Variants in GAP43 observed in about 807,000 individuals in gnomAD.
GAP43 encodes growth associated protein 43.
A neutral mutation model predicts 18.6 loss-of-function variants in GAP43; 6 were observed. The observed-to-expected ratio is 0.32, with a 90% CI of 0.18 to 0.64. The LOEUF (loss-of-function observed/expected upper bound fraction) is 0.64. GAP43 is among the 30% of genes least tolerant of loss of function. The pLI is 0.78. For missense variants in GAP43, 292 were observed against 295.5 expected (o/e 0.99, Z 0.09); for synonymous variants, 115 against 111.4 (o/e 1.03, Z -0.20).
Position 115,676,212 on chromosome 3 carries a change from G to T in GAP43, c.230G>T (p.Gly77Val), listed in dbSNP as rs1268083409. The T allele has an allele frequency of 2.5e-6, 4 of 1,614,064 alleles. No individual in the cohort carries two copies. The Admixed American group carries it at 6.7e-5, about 27-fold the overall frequency. ...NKKDEAPVAD[G>V]VEKKGEGTTT... Reference sequence around the variant, plus strand: ...AAGGATGAAGCCCCTGTTGCCGATGGGGTGGAGAAGAAGGGAGAAGGCACC... The same window carrying T: ...AAGGATGAAGCCCCTGTTGCCGATGTGGTGGAGAAGAAGGGAGAAGGCACC... Residue 77 changes from glycine to valine, a missense_variant, in exon 2 of 3, where the codon GGG becomes GTG. Physicochemically the swap from Gly to Val is moderately radical, Grantham distance 109. Transcript: ENST00000305124.
intron 2 of GAP43, among the ~76,000 whole-genome samples, chr3:115,707,936 ATT>A (rs1429430888): frequency 2.6e-5 from 4 of 152,142 alleles, no homozygotes; most frequent in Admixed American, 1.3e-4. Context: ...GGTGACTTTA[ATT>A]ACTTTGGTGA....
intron 2 of GAP43, among the ~76,000 whole-genome samples, chr3:115,694,117 G>C (rs1045194462): frequency 1.3e-5 from 2 of 152,092 alleles, no homozygotes; most frequent in Non-Finnish European, 2.9e-5. Context: ...TGCAGGGGAG[G>C]GGGGAGCAGT....
At chr3:115,631,616 T>C (rs1708260514) in intron 1 of GAP43, among the ~76,000 whole-genome samples, 1 of 151,960 alleles carries the variant, frequency 6.6e-6, no homozygotes, top group South Asian at 2.1e-4. Flanking sequence ...CTCTACAGAG[T>C]AAATTTTTTG....
intron 2 of GAP43, among the ~76,000 whole-genome samples, chr3:115,684,207 GC>G (rs1048957547): frequency 4.6e-5 from 7 of 151,404 alleles, no homozygotes; most frequent in Admixed American, 1.3e-4. Flanking sequence ...ACTTTTGAAG[GC>G]TTTTTTTTCC....
chr3:115,671,247 C>T (rs1283764018), intron 1 of GAP43, among the ~76,000 whole-genome samples: 1 of 152,090 alleles, frequency 6.6e-6, no homozygotes. Flanking sequence ...CCTCCTTTCC[C>T]CAAAGGAAAA....
At chr3:115,691,880 G>T (rs1381540321) in intron 2 of GAP43, among the ~76,000 whole-genome samples, 2 of 152,140 alleles carry the variant, frequency 1.3e-5, no homozygotes, top group East Asian at 3.9e-4. Context: ...AATAGAAAAG[G>T]TTGGGATACC....
At chr3:115,712,410 A>T (rs1345953899) in intron 2 of GAP43, among the ~76,000 whole-genome samples, 1 of 146,674 alleles carries the variant, frequency 6.8e-6, no homozygotes, top group Non-Finnish European at 1.5e-5. Flanking sequence ...GTAGTGGAAG[A>T]ATTGCTTTTT....
chr3:115,674,044 T>C (rs951039104), intron 1 of GAP43, among the ~76,000 whole-genome samples: 1 of 152,304 alleles, frequency 6.6e-6, no homozygotes, highest in East Asian at 1.9e-4. Context: ...CCCCACATCA[T>C]GATTAGCAGG....
At chr3:115,699,662 C>A (rs907494913) in intron 2 of GAP43, among the ~76,000 whole-genome samples, 11 of 152,174 alleles carry the variant, frequency 7.2e-5, no homozygotes, top group African/African-American at 2.7e-4. Context: ...GTGAAAACCC[C>A]CAACTTGCTG....
chr3:115,634,916 T>C (rs2107467120), intron 1 of GAP43, among the ~76,000 whole-genome samples: 1 of 152,318 alleles, frequency 6.6e-6, no homozygotes, highest in African/African-American at 2.4e-5. Flanking sequence ...GGGAAAGGAA[T>C]AAGCATTGAG....
At position 115,679,184 on chromosome 3, in the gene GAP43, G is replaced by A. The variant is rs62269625; in HGVS notation, c.628+2574G>A. 2.6e-3 allele frequency among the ~76,000 whole-genome samples: 390 copies of A among 152,128 alleles called. 2 individuals carry two copies. The highest frequency in any genetic ancestry group is 4.1e-3 in the Admixed American group (63 of 15,270). On this transcript the variant is annotated intron_variant, in intron 2 of 2. Coordinates refer to ENST00000305124, the MANE Select transcript of GAP43 (RefSeq NM_002045.4). ...GGGCGTGGACAGACAATCTAAGAGG[G>A]TGCAACAGGGTTAAGGGGAAAAATA...
intron 1 of GAP43, among the ~76,000 whole-genome samples, chr3:115,641,042 T>C (rs1708389249): frequency 6.7e-6 from 1 of 150,238 alleles, no homozygotes; most frequent in Admixed American, 6.6e-5. Flanking sequence ...TTTTTCTTTT[T>C]TTTTTTTCAA....
At chr3:115,679,661 C>G (rs1022478372) in intron 2 of GAP43, among the ~76,000 whole-genome samples, 1 of 152,144 alleles carries the variant, frequency 6.6e-6, no homozygotes, top group African/African-American at 2.4e-5. Context: ...TGCTCATTGG[C>G]TCTCAATGAA....
chr3:115,716,714 ACAAATATATATATATATATAT>A (rs1709507230), intron 2 of GAP43, among the ~76,000 whole-genome samples: 1,039 of 64,010 alleles, frequency 0.016, 68 homozygotes, highest in East Asian at 0.05. Flanking sequence ...TTAATCTCAG[ACAAATATATATATATATATAT>A]ATATATATAT....
chr3:115,642,747 A>G (rs191018672), intron 1 of GAP43, among the ~76,000 whole-genome samples: 13 of 152,222 alleles, frequency 8.5e-5, no homozygotes, highest in African/African-American at 3.1e-4. Flanking sequence ...TGCCTGCCAC[A>G]TAGTAAGCAC....
At chr3:115,697,034 C>T (rs1709201049) in intron 2 of GAP43, among the ~76,000 whole-genome samples, 1 of 151,746 alleles carries the variant, frequency 6.6e-6, no homozygotes, top group African/African-American at 2.4e-5. Context: ...AGATGGGGCT[C>T]CACCATATTG....
intron 2 of GAP43, among the ~76,000 whole-genome samples, chr3:115,689,959 G>A (rs1260074279): frequency 1.3e-5 from 2 of 152,210 alleles, no homozygotes; most frequent in African/African-American, 4.8e-5. Flanking sequence ...GAAGAGCAGG[G>A]GAAGGCACTG....
intron 1 of GAP43, among the ~76,000 whole-genome samples, chr3:115,647,646 A>C (rs1044233701): frequency 1.3e-5 from 2 of 151,806 alleles, no homozygotes; most frequent in African/African-American, 4.8e-5. Flanking sequence ...GGACGATCCT[A>C]AAAAATAGTG....
chr3:115,676,816 A>G (rs1407392372), intron 2 of GAP43, among the ~76,000 whole-genome samples: 1 of 152,218 alleles, frequency 6.6e-6, no homozygotes, highest in Non-Finnish European at 1.5e-5. Context: ...GGACTACCAG[A>G]GAGGACTCAG....
Sources: allele counts gnomAD v4.1 joint callset (sites outside exome capture counted in the v4.1 genomes callset), GRCh38; gene constraint gnomAD v4.1.1; transcripts MANE v1.5; gene names NCBI Gene and HGNC (gene_info 2026-07-23, HGNC 2026-07-21).